Variants in OCA2 observed in about 807,000 individuals in gnomAD.
OCA2 encodes OCA2 melanosomal transmembrane protein.
A neutral mutation model predicts 100.2 loss-of-function variants in OCA2; 77 were observed. The observed-to-expected ratio is 0.77, with a 90% CI of 0.64 to 0.93. OCA2 has a LOEUF of 0.93. Ranked by LOEUF, OCA2 falls within the 40% of genes least tolerant of loss-of-function variation. OCA2 has a pLI of 0.00. For missense variants in OCA2, 1,062 were observed against 1,089.1 expected (o/e 0.98, Z 0.35); for synonymous variants, 432 against 439.2 (o/e 0.98, Z 0.21).
intron 9 of OCA2, among the ~76,000 whole-genome samples, chr15:28,005,426 C>T (rs2042062862): frequency 6.6e-6 from 1 of 152,182 alleles, no homozygotes; most frequent in African/African-American, 2.4e-5. Flanking sequence ...TCCTCTGGTC[C>T]TGCAGGTAAG....
rs1355623845 is a variant in OCA2, at chr15:28,081,880, A to G, written c.-6T>C. The G allele has an allele frequency of 5.0e-6, 8 of 1,608,692 alleles. No individual in the cohort carries two copies. The highest frequency in any genetic ancestry group is 8.5e-7 in the Non-Finnish European group (1 of 1,178,848). ...TCTCTGCCCTCCAGATGCATGCTCC[A>G]CTGCCAGTCTTCTCTCTAGGGCAGC... On this transcript the variant is annotated 5_prime_UTR_variant, in exon 2 of 24. Transcript: ENST00000354638.
intron 19 of OCA2, among the ~76,000 whole-genome samples, chr15:27,921,357 AC>A (rs761540394): frequency 1.1e-3 from 164 of 152,224 alleles, no homozygotes; most frequent in Non-Finnish European, 2.1e-3. Flanking sequence ...GTGAAACAAA[AC>A]TGTATTTTAA....
At chr15:27,806,913 G>A (rs12916836) in intron 23 of OCA2, among the ~76,000 whole-genome samples, 105,056 of 151,690 alleles carry the variant, frequency 0.69, 37,196 homozygotes, top group East Asian at 1. Context: ...ATTCTAGCCC[G>A]GGCTCCTGCC....
chr15:27,954,159 A>ACACACACACACACC (rs147024497), intron 17 of OCA2, among the ~76,000 whole-genome samples: 20 of 54,994 alleles, frequency 3.6e-4, no homozygotes, highest in African/African-American at 6.8e-4. Context: ...ACACACACAC[A>ACACACACACACACC]CCTAGGGTCA....
intron 21 of OCA2, among the ~76,000 whole-genome samples, chr15:27,855,978 C>A (rs531890388): frequency 6.6e-6 from 1 of 152,166 alleles, no homozygotes. Context: ...CATTGCCGCA[C>A]GGCTCTGAAG....
chr15:28,025,264 A>T (rs2042715429), intron 4 of OCA2, among the ~76,000 whole-genome samples: 1 of 152,230 alleles, frequency 6.6e-6, no homozygotes, highest in Non-Finnish European at 1.5e-5. Flanking sequence ...CATATTTATC[A>T]ATTATTTTCC....
chr15:28,064,357 T>TAC (rs2043961679), intron 2 of OCA2, among the ~76,000 whole-genome samples: 1 of 149,976 alleles, frequency 6.7e-6, no homozygotes, highest in Admixed American at 6.6e-5. Flanking sequence ...TTCTGGTCCT[T>TAC]TCTCTCTCTC....
chr15:28,020,616 G>A lies in OCA2; in HGVS notation c.646+1885C>T, dbSNP rs78145457. 8.5e-3 allele frequency among the ~76,000 whole-genome samples: 1,294 copies of A among 152,256 alleles called. 21 individuals are homozygous for A. Among genetic ancestry groups the A allele is most frequent in the African/African-American group, 0.029 (1,211 of 41,528 alleles). The stretch of plus-strand genomic sequence containing the variant: ...ATCCTGGAGAAGTAATGCAGAGGTC[G>A]AGGCACAAGAATGAGAAACAAAGTC... On this transcript the variant is annotated intron_variant, in intron 6 of 23. Transcript: ENST00000354638.
Position 27,957,666 on chromosome 15 carries a change from G to C in OCA2, c.1706C>G (p.Thr569Arg), listed in dbSNP as rs1468469473. 1 of 1,613,146 alleles carries C rather than the reference G, an allele frequency of 6.2e-7. No homozygotes were observed. ...QRISPASREE[T>R]AVRRLLLGKV... ...CCCCAGCAGCAGGCGGCGCACAGCT[G>C]TCTCCTCGCGGCTGGCCGGGCTGAT... is the stretch of plus-strand genomic sequence containing the variant. Residue 569 changes from threonine (T) to arginine (R), a missense_variant, in exon 16 of 24, where the codon ACA becomes AGA. By Grantham distance (71) the Thr-to-Arg change is moderately conservative (BLOSUM62 -1). Coordinates refer to ENST00000354638, the MANE Select transcript of OCA2 (RefSeq NM_000275.3). This position sits in a 1 kb window ranked among gnomAD's most constrained non-coding sequence, Gnocchi z 4.3.
chr15:27,997,385 T>G (rs2041784843), intron 9 of OCA2, among the ~76,000 whole-genome samples: 1 of 151,390 alleles, frequency 6.6e-6, no homozygotes, highest in African/African-American at 2.4e-5. Flanking sequence ...CAGTTTCGGC[T>G]TTCTACATAT....
intron 9 of OCA2, among the ~76,000 whole-genome samples, chr15:27,996,595 GA>G (rs71132828): frequency 6.7e-6 from 1 of 149,566 alleles, no homozygotes; most frequent in African/African-American, 2.5e-5. Flanking sequence ...GACCTACCAA[GA>G]AAAAAAAAGA....
intron 21 of OCA2, among the ~76,000 whole-genome samples, chr15:27,866,583 G>T (rs1359222166): frequency 2.0e-5 from 3 of 152,222 alleles, no homozygotes; most frequent in Non-Finnish European, 2.9e-5. Flanking sequence ...GCTAGTGAAT[G>T]AGGCTACAAA....
At chr15:27,724,592 G>A in the OCA2 span, among the ~76,000 whole-genome samples, 1,268 of 152,242 alleles carry the variant, frequency 8.3e-3, 14 homozygotes, top group African/African-American at 0.029. Context: ...GACCCCAGGG[G>A]CTTCATGCGA....
At chr15:28,090,546 G>A (rs2044853536) in intron 1 of OCA2, among the ~76,000 whole-genome samples, 1 of 152,130 alleles carries the variant, frequency 6.6e-6, no homozygotes, top group African/African-American at 2.4e-5. Flanking sequence ...CAAAAAGAGA[G>A]GAGGAAAATC....
intron 23 of OCA2, among the ~76,000 whole-genome samples, chr15:27,812,133 A>G (rs2034103940): frequency 6.6e-6 from 1 of 152,218 alleles, no homozygotes; most frequent in South Asian, 2.1e-4. Flanking sequence ...CAACCATGGG[A>G]TAAATGCTGG....
intron 2 of OCA2, among the ~76,000 whole-genome samples, chr15:28,047,540 C>G (rs2043382900): frequency 6.6e-6 from 1 of 152,176 alleles, no homozygotes; most frequent in Non-Finnish European, 1.5e-5. Context: ...TGCCATCTTC[C>G]ATCTTAAGCA....
chr15:27,988,061 G>C (rs12442916), intron 11 of OCA2, among the ~76,000 whole-genome samples: 1 of 151,842 alleles, frequency 6.6e-6, no homozygotes, highest in East Asian at 2.0e-4. Flanking sequence ...ACGTGAATAC[G>C]CATGAGGAGA....
At chr15:28,042,192 A>T (rs142855217) in intron 2 of OCA2, among the ~76,000 whole-genome samples, 2 of 152,336 alleles carry the variant, frequency 1.3e-5, no homozygotes, top group Non-Finnish European at 2.9e-5. Context: ...TAAATAAATG[A>T]TACAGGGAAG....
intron 21 of OCA2, among the ~76,000 whole-genome samples, chr15:27,860,963 T>C (rs1236383771): frequency 2.0e-5 from 3 of 152,144 alleles, no homozygotes; most frequent in Non-Finnish European, 4.4e-5. Flanking sequence ...CCTTGGGCTA[T>C]ACCAAAGCAG....
Sources: allele counts gnomAD v4.1 joint callset (sites outside exome capture counted in the v4.1 genomes callset), GRCh38; gene constraint gnomAD v4.1.1; non-coding constraint Gnocchi (gnomAD v3.1); transcripts MANE v1.5; gene names NCBI Gene and HGNC (gene_info 2026-07-23, HGNC 2026-07-21).